STX18: variants seen among roughly 807,000 people sequenced by gnomAD.
The protein encoded by STX18 is syntaxin-18.
STX18 carries 40 observed loss-of-function variants against 50.1 expected under a neutral mutation model. That is an observed-to-expected ratio of 0.80 (90% confidence interval 0.62 to 1.04). STX18 has a LOEUF of 1.04. Ranked by LOEUF, STX18 falls within the 50% of genes least tolerant of loss-of-function variation. The probability of loss-of-function intolerance (pLI) is 0.00; values close to 1 mark genes in which losing one functional copy is unlikely to be tolerated. For missense variants in STX18, 410 were observed against 415.8 expected (o/e 0.99, Z 0.12); for synonymous variants, 158 against 151.8 (o/e 1.04, Z -0.30).
intron 1 of STX18, among the ~76,000 whole-genome samples, chr4:4,509,460 C>A (rs1160684696): frequency 6.6e-6 from 1 of 151,724 alleles, no homozygotes; most frequent in African/African-American, 2.4e-5. Context: ...GATATTAGAC[C>A]CTTGCCAGGT....
At chr4:4,521,886 T>C (rs1189716762) in intron 1 of STX18, among the ~76,000 whole-genome samples, 1 of 152,232 alleles carries the variant, frequency 6.6e-6, no homozygotes, top group African/African-American at 2.4e-5. Context: ...TATTGTAGCA[T>C]GTTTATAAAA....
intron 4 of STX18, 27 bp from the exon 5 acceptor site, chr4:4,457,284 G>C (rs749364308): frequency 6.2e-7 from 1 of 1,610,172 alleles, no homozygotes; most frequent in Admixed American, 1.7e-5. Context: ...TACCAGAAGA[G>C]AGACTGCTTA....
At chr4:4,454,842 A>G (rs1208593551) in intron 5 of STX18, among the ~76,000 whole-genome samples, 1 of 152,204 alleles carries the variant, frequency 6.6e-6, no homozygotes, top group Admixed American at 6.5e-5. Context: ...ATATTTAAAG[A>G]TATGGTGGCT....
intron 1 of STX18, among the ~76,000 whole-genome samples, chr4:4,477,173 G>A (rs1164295180): frequency 6.6e-6 from 1 of 152,184 alleles, no homozygotes; most frequent in African/African-American, 2.4e-5. Flanking sequence ...AACCCTGGAG[G>A]TGGAGGTTGT....
In STX18 at chr4:4,471,670, C is replaced by A. The variant is rs755353326; in HGVS notation, c.205G>T (p.Glu69Ter). ...HIGKLRDFLLEHRKDYINAYS... is the reference protein window; with the variant it reads ...HIGKLRDFLL ...GCATTAATATAATCTTTCCTGTGTT[C>A]CAGAAGAAAATCTCTCAGTTTGCCA... The change falls in exon 2 of 11, where the codon GAA becomes TAA. Residue 69 changes from glutamate to a stop codon, truncating the protein, a stop_gained. Coordinates refer to ENST00000306200, the MANE Select transcript of STX18 (RefSeq NM_016930.4). LOFTEE classifies it high-confidence loss of function. 6.3e-7 allele frequency: 1 copy of A among 1,583,958 alleles called. No homozygotes were observed. Among genetic ancestry groups the A allele is most frequent in the African/African-American group, 1.4e-5 (1 of 73,062 alleles).
intron 2 of STX18, among the ~76,000 whole-genome samples, chr4:4,466,850 A>C (rs1727643342): frequency 6.6e-6 from 1 of 152,194 alleles, no homozygotes; most frequent in African/African-American, 2.4e-5. Context: ...CTGGGGTTTT[A>C]TTATTACTCA....
At chr4:4,535,764 G>C (rs773826937) in intron 1 of STX18, among the ~76,000 whole-genome samples, 10 of 152,156 alleles carry the variant, frequency 6.6e-5, no homozygotes, top group Non-Finnish European at 1.3e-4. Flanking sequence ...CTTCTGTATG[G>C]TTTGGCCCTA....
intron 1 of STX18, among the ~76,000 whole-genome samples, chr4:4,522,168 T>G (rs1196036453): frequency 6.6e-6 from 1 of 152,218 alleles, no homozygotes; most frequent in East Asian, 1.9e-4. Context: ...TGCTTTCCTT[T>G]CACATGTCAG....
chr4:4,457,214 T>G lies in STX18; in HGVS notation c.474A>C (p.Lys158Asn), dbSNP rs764762469. 6.2e-7 allele frequency: 1 copy of G among 1,614,110 alleles called. No individual in the cohort carries two copies. The highest frequency in any genetic ancestry group is 8.5e-7 in the Non-Finnish European group (1 of 1,179,986). The change falls in exon 5 of 11, where the codon AAA becomes AAC. Residue 158 changes from lysine (K) to asparagine (N), a missense_variant. Lys to Asn is a moderately conservative substitution (Grantham distance 94, BLOSUM62 0). Coordinates refer to ENST00000306200, the MANE Select transcript of STX18 (RefSeq NM_016930.4). ...ACAATCTTTTCTTATCCACCACTCTTTTAACTCGGATGGCTCTCTGTTCTG... is the reference window on the plus strand; with the variant it reads ...ACAATCTTTTCTTATCCACCACTCTGTTAACTCGGATGGCTCTCTGTTCTG... ...LYSEQRAIRV[K>N]RVVDKKRLSK...
intron 1 of STX18, chr4:4,507,553 A>G: frequency 2.6e-6 from 2 of 768,306 alleles, no homozygotes; most frequent in Admixed American, 3.4e-5. Flanking sequence ...AAAGCGTCCC[A>G]GGAGTGCACT....
intron 1 of STX18, among the ~76,000 whole-genome samples, chr4:4,527,781 T>C (rs1406846810): frequency 2.7e-5 from 4 of 146,758 alleles, no homozygotes; most frequent in African/African-American, 1.0e-4. Flanking sequence ...AAATTATATA[T>C]ATATAATTTT....
chr4:4,419,750 G>T lies in STX18; in HGVS notation c.*284C>A. The T allele has an allele frequency of 3.3e-6, 1 of 301,962 alleles. No individual in the cohort carries two copies. Among genetic ancestry groups the T allele is most frequent in the Non-Finnish European group, 6.2e-6 (1 of 160,528 alleles). The allele number at this position is 301,962 out of a possible 1,614,324, so 18.7% of individuals were successfully genotyped here. On this transcript the variant is annotated 3_prime_UTR_variant, in exon 11 of 11. Coordinates refer to ENST00000306200, the MANE Select transcript of STX18 (RefSeq NM_016930.4). Reference sequence around the variant, plus strand: ...AAGGCAGCCTCAAGTTCAAGGAGCAGCTAATCACCCACTCCTGCATTCAGT... The same window carrying T: ...AAGGCAGCCTCAAGTTCAAGGAGCATCTAATCACCCACTCCTGCATTCAGT...
At chr4:4,447,061 G>T (rs1258251933) in intron 5 of STX18, among the ~76,000 whole-genome samples, 1 of 152,090 alleles carries the variant, frequency 6.6e-6, no homozygotes, top group Non-Finnish European at 1.5e-5. Flanking sequence ...ATAAACTGAG[G>T]ATCTGCTCCA....
chr4:4,518,820 CTTTAT>C (rs1344293099), intron 1 of STX18, among the ~76,000 whole-genome samples: 1 of 152,160 alleles, frequency 6.6e-6, no homozygotes, highest in African/African-American at 2.4e-5. Flanking sequence ...CACACGTGCA[CTTTAT>C]TTTATGACAT....
chr4:4,457,684 A>G (rs534722175), intron 3 of STX18, among the ~76,000 whole-genome samples, 184 bp from the exon 4 acceptor site: 145 of 152,384 alleles, frequency 9.5e-4, no homozygotes, highest in African/African-American at 3.4e-3. Flanking sequence ...CGCAAGAGTG[A>G]AAGATTAAAC....
chr4:4,539,367 A>G (rs1409173238), intron 1 of STX18, among the ~76,000 whole-genome samples: 5 of 152,216 alleles, frequency 3.3e-5, no homozygotes, highest in African/African-American at 9.6e-5. Context: ...GCCAAACAAA[A>G]TAACAGCCAA....
chr4:4,427,265 A>G (rs1036377142), intron 7 of STX18, among the ~76,000 whole-genome samples: 1 of 152,206 alleles, frequency 6.6e-6, no homozygotes, highest in African/African-American at 2.4e-5. Flanking sequence ...GGAAGGGCGG[A>G]AGTGCCAGGA....
At chr4:4,494,520 A>G (rs369751057) in intron 1 of STX18, among the ~76,000 whole-genome samples, 15 of 152,296 alleles carry the variant, frequency 9.8e-5, no homozygotes, top group African/African-American at 3.6e-4. Flanking sequence ...AATCTTCACA[A>G]AAGTCCTCTA....
intron 1 of STX18, among the ~76,000 whole-genome samples, chr4:4,500,081 T>A (rs1044917258): frequency 6.6e-6 from 1 of 150,784 alleles, no homozygotes; most frequent in African/African-American, 2.5e-5. Context: ...TTCTATCACT[T>A]GGTGTTAAAA....
Sources: allele counts gnomAD v4.1 joint callset (sites outside exome capture counted in the v4.1 genomes callset), GRCh38; gene constraint gnomAD v4.1.1; transcripts MANE v1.5; gene names NCBI Gene and HGNC (gene_info 2026-07-23, HGNC 2026-07-21).